LANCL1: variants seen among roughly 807,000 people sequenced by gnomAD.
LANCL1 encodes glutathione S-transferase LANCL1.
A neutral mutation model predicts 50.6 loss-of-function variants in LANCL1; 50 were observed. The observed-to-expected ratio is 0.99, with a 90% CI of 0.79 to 1.25. LANCL1 has a LOEUF of 1.25. Among genes scored for constraint, LANCL1 ranks in the 50% most tolerant of loss-of-function variants. LANCL1 has a pLI of 0.00. For synonymous variants in LANCL1, 188 were observed against 178.6 expected, an observed-to-expected ratio of 1.05 and a Z score of -0.42; for missense variants, 532 against 480.7, an observed-to-expected ratio of 1.11 and a Z score of -1.00.
intron 4 of LANCL1, among the ~76,000 whole-genome samples, chr2:210,450,601 A>G (rs1319283157): frequency 6.6e-6 from 1 of 152,190 alleles, no homozygotes. Context: ...TCCATCTGAC[A>G]AAGGGCTAAT....
intron 8 of LANCL1, 115 bp downstream of exon 8, chr2:210,436,101 G>A: frequency 1.2e-6 from 1 of 811,488 alleles, no homozygotes; most frequent in South Asian, 1.8e-5. Context: ...ATGTTAGCCA[G>A]GCTGGTCTCG....
chr2:210,455,050 T>C (rs1218309611), intron 4 of LANCL1, 57 bp downstream of exon 4: 1 of 1,401,562 alleles, frequency 7.1e-7, no homozygotes, highest in Non-Finnish European at 1.0e-6. Context: ...TGTTAACACA[T>C]GCAGAATTAA....
rs1574406212 is a variant in LANCL1, at chr2:210,431,652, T to C, written c.*2835A>G. The stretch of plus-strand genomic sequence containing the variant: ...AGGACATAGTAGCAGAGTATGTCTC[T>C]CAATTCAGTTATTTAGGAAATGTTA... On this transcript the variant is annotated 3_prime_UTR_variant, in exon 10 of 10. Transcript: ENST00000450366. The C allele has an allele frequency of 6.6e-6, 1 of 152,258 alleles. No homozygotes were observed. Among genetic ancestry groups the C allele is most frequent in the East Asian group, 1.9e-4 (1 of 5,186 alleles). The allele number at this position is 152,258 out of a possible 1,614,324, so 9.4% of individuals were successfully genotyped here.
At chr2:210,450,844 G>A (rs1574425405) in intron 4 of LANCL1, among the ~76,000 whole-genome samples, 1 of 152,184 alleles carries the variant, frequency 6.6e-6, no homozygotes. Context: ...ATGCTGCATA[G>A]AATGTGGAGA....
In LANCL1 at chr2:210,469,862, T is replaced by G. The variant is rs574844715; in HGVS notation, c.199+2097A>C. Among the ~76,000 whole-genome samples, 3 of 152,286 alleles carry G rather than the reference T, an allele frequency of 2.0e-5. No homozygotes were observed. In the East Asian group the frequency reaches 5.8e-4, roughly 29 times the overall value. On this transcript the variant is annotated intron_variant, in intron 3 of 9. Coordinates refer to ENST00000450366, the MANE Select transcript of LANCL1 (RefSeq NM_006055.3). Reference sequence around the variant, plus strand: ...CAAACTTGAAATCAATCCCCTTTTTTTTCCTCCTAAAGCAAAGTAACTCAC... The same window carrying G: ...CAAACTTGAAATCAATCCCCTTTTTGTTCCTCCTAAAGCAAAGTAACTCAC...
intron 2 of LANCL1, 42 bp downstream of exon 2, chr2:210,476,274 T>TG: frequency 2.7e-6 from 4 of 1,465,214 alleles, no homozygotes; most frequent in South Asian, 2.3e-5. Context: ...CCGAACACCG[T>TG]GGGGAGAGGC....
intron 4 of LANCL1, among the ~76,000 whole-genome samples, chr2:210,449,818 A>G (rs1371380359): frequency 2.0e-5 from 3 of 152,228 alleles, no homozygotes; most frequent in Admixed American, 2.0e-4. Flanking sequence ...GGAGGACTAC[A>G]AACCACTGCT....
chr2:210,469,084 G>A (rs1309046357), intron 3 of LANCL1: 1 of 152,152 alleles, frequency 6.6e-6, no homozygotes, highest in Non-Finnish European at 1.5e-5. Context: ...AATATAATGT[G>A]TGTTTCCTAA....
intron 3 of LANCL1, among the ~76,000 whole-genome samples, chr2:210,471,042 A>ATTTTTTTTTTTTTTTTTTTTTTTTTTTTT (rs35572251): frequency 1.0e-5 from 1 of 96,286 alleles, no homozygotes; most frequent in African/African-American, 4.0e-5. Context: ...TTCTTCTTTG[A>ATTTTTTTTTTTTTTTTTTTTTTTTTTTTT]TTTTTTTTTT....
chr2:210,470,160 C>T (rs1694184365), intron 3 of LANCL1, among the ~76,000 whole-genome samples: 1 of 152,190 alleles, frequency 6.6e-6, no homozygotes, highest in Non-Finnish European at 1.5e-5. Context: ...GTTCAACATT[C>T]ACTGATGACA....
intron 3 of LANCL1, among the ~76,000 whole-genome samples, chr2:210,457,059 C>T (rs1179372416): frequency 1.3e-5 from 2 of 152,128 alleles, no homozygotes; most frequent in Non-Finnish European, 2.9e-5. Context: ...ATCTCATGTT[C>T]CAGTTCTCCC....
intron 9 of LANCL1, 25 bp from the exon 10 acceptor site, chr2:210,434,588 GTTA>G (rs747286667): frequency 6.4e-7 from 1 of 1,570,342 alleles, no homozygotes; most frequent in Non-Finnish European, 8.8e-7. Flanking sequence ...AGAGGCAAAA[GTTA>G]TTATACCAAA....
chr2:210,448,930 G>A (rs907954680), intron 4 of LANCL1, among the ~76,000 whole-genome samples: 1 of 152,110 alleles, frequency 6.6e-6, no homozygotes, highest in African/African-American at 2.4e-5. Flanking sequence ...AGAGGTACAA[G>A]GAGGAGCTGG....
chr2:210,444,753 T>C (rs921718751), intron 4 of LANCL1, among the ~76,000 whole-genome samples: 8 of 152,154 alleles, frequency 5.3e-5, no homozygotes, highest in Admixed American at 5.2e-4. Context: ...CTTTTTCTTC[T>C]AATACATTTT....
chr2:210,434,963 G>A (rs3821136), intron 9 of LANCL1, among the ~76,000 whole-genome samples: 92,374 of 152,020 alleles, frequency 0.61, 28,659 homozygotes, highest in East Asian at 0.84. Flanking sequence ...AACATTAGAA[G>A]AGATCACTAG....
At chr2:210,477,567 C>T (rs895005663), upstream of LANCL1, 1 of 1,395,722 alleles carries the variant, frequency 7.2e-7, no homozygotes, top group African/African-American at 1.4e-5. Flanking sequence ...AGCTCCAGAC[C>T]TCCAACTGGA....
intron 7 of LANCL1, among the ~76,000 whole-genome samples, chr2:210,437,113 C>T (rs1393892938): frequency 2.6e-5 from 4 of 152,104 alleles, no homozygotes; most frequent in South Asian, 2.1e-4. Context: ...TAAAAATCTG[C>T]GTTGATTGCA....
At chr2:210,443,974 G>C (rs1038719802) in intron 4 of LANCL1, among the ~76,000 whole-genome samples, 1 of 152,214 alleles carries the variant, frequency 6.6e-6, no homozygotes, top group African/African-American at 2.4e-5. Context: ...AGAAGGGCTT[G>C]AGGGCAATGT....
At chr2:210,452,805 AG>A (rs1450619027) in intron 4 of LANCL1, among the ~76,000 whole-genome samples, 1 of 152,226 alleles carries the variant, frequency 6.6e-6, no homozygotes, top group Non-Finnish European at 1.5e-5. Context: ...AAGAAAATGT[AG>A]AAAAAGCAAG....
Sources: gnomAD v4.1 joint callset for allele counts (sites outside exome capture counted in the v4.1 genomes callset) on GRCh38, gnomAD v4.1.1 for gene constraint, MANE v1.5 for transcripts, NCBI Gene and HGNC (gene_info 2026-07-23, HGNC 2026-07-21) for gene names.